Variants in RYR2 observed in about 807,000 individuals in gnomAD.
RYR2 encodes cardiac muscle ryanodine receptor-calcium release channel.
In RYR2, 227 loss-of-function variants were observed where a neutral mutation model predicts 601.1. The observed-to-expected ratio is 0.38, with a 90% CI of 0.34 to 0.42. The LOEUF is 0.42. Ranked by LOEUF, RYR2 falls within the 10% of genes least tolerant of loss-of-function variation. The probability of loss-of-function intolerance (pLI) is 1.00; values close to 1 mark genes in which losing one functional copy is unlikely to be tolerated. For synonymous variants in RYR2, 2,223 were observed against 2,175.1 expected, an observed-to-expected ratio of 1.02 and a Z score of -0.61; for missense variants, 4,646 against 6,156.5, an observed-to-expected ratio of 0.75 and a Z score of 8.21.
At chr1:237,425,149 A>G (rs186610757) in intron 12 of RYR2, among the ~76,000 whole-genome samples, 184 of 152,302 alleles carry the variant, frequency 1.2e-3, no homozygotes, top group African/African-American at 3.8e-3. Context: ...TTTTGAAAGC[A>G]GTACATGTTG....
rs775856207 is a variant in RYR2, at chr1:237,548,584, C to T, written c.3060C>T (p.Ile1020=). The change falls in exon 26 of 105, where the codon ATC becomes ATT. Residue 1020 remains isoleucine, a synonymous_variant. Coordinates refer to ENST00000366574, the MANE Select transcript of RYR2 (RefSeq NM_001035.3). The part of the protein sequence containing the change: ...DRIRQGWTYG[I]QQDVKNRRNP... ...TCCGGCAGGGCTGGACTTATGGCAT[C>T]CAACAGGTACATGGGAATTAGCATT... The T allele has an allele frequency of 6.2e-7, 1 of 1,613,664 alleles. No homozygotes were observed. The highest frequency in any genetic ancestry group is 1.1e-5 in the South Asian group (1 of 90,998).
At chr1:237,184,111 C>T (rs1679082826) in intron 1 of RYR2, among the ~76,000 whole-genome samples, 1 of 152,136 alleles carries the variant, frequency 6.6e-6, no homozygotes, top group Admixed American at 6.5e-5. Flanking sequence ...GATGTGTAAC[C>T]CTTGGGCGGG....
At chr1:237,081,280 TAAA>T (rs397815900) in intron 1 of RYR2, among the ~76,000 whole-genome samples, 50 of 56,274 alleles carry the variant, frequency 8.9e-4, no homozygotes, top group African/African-American at 1.9e-3. Flanking sequence ...TAGAGTATAA[TAAA>T]AAAAAAAAAA....
At chr1:237,100,594 C>T (rs1176927710) in intron 1 of RYR2, among the ~76,000 whole-genome samples, 1 of 152,068 alleles carries the variant, frequency 6.6e-6, no homozygotes, top group East Asian at 1.9e-4. Context: ...CCATGTTGTC[C>T]AGGCTGGTCT....
intron 17 of RYR2, among the ~76,000 whole-genome samples, chr1:237,474,603 AC>A (rs1166925247): frequency 6.6e-6 from 1 of 151,948 alleles, no homozygotes; most frequent in African/African-American, 2.4e-5. Context: ...CAAAATCTTA[AC>A]CTCACTTAAA....
At position 237,806,209 on chromosome 1, in the gene RYR2, C is replaced by A. The variant is rs1358033974; in HGVS notation, c.14224C>A (p.His4742Asn). The change falls in exon 99 of 105, where the codon CAC becomes AAC. Residue 4742 changes from histidine to asparagine, a missense_variant. This residue lies in a region of RYR2 where 76 missense variants were observed against 97.4 expected (regional missense o/e 0.78). Transcript: ENST00000366574. ...CTATAACAACTTTTTTTTTGCCGCT[C>A]ACCTTCTCGACATTGCTATGGGATT... Reference protein sequence around the residue: ...GHYNNFFFAAHLLDIAMGFKT... With the variant: ...GHYNNFFFAANLLDIAMGFKT... The A allele has an allele frequency of 6.2e-7, 1 of 1,612,870 alleles. No individual in the cohort carries two copies. The highest frequency in any genetic ancestry group is 2.2e-5 in the East Asian group (1 of 44,856).
chr1:237,402,220 C>A (rs1703408239), intron 10 of RYR2, among the ~76,000 whole-genome samples: 1 of 135,516 alleles, frequency 7.4e-6, no homozygotes. Context: ...ATAAAGAGGC[C>A]TTGTCTCTAC....
rs1057522884 is a variant in RYR2 at position 237,639,044 on chromosome 1, G to A, written c.6958G>A (p.Val2320Met). 18 of 1,613,776 alleles carry A rather than the reference G, an allele frequency of 1.1e-5. No homozygotes were observed. The highest frequency in any genetic ancestry group is 2.2e-5 in the East Asian group (1 of 44,868). The stretch of plus-strand genomic sequence containing the variant: ...GAGTGTGGAGGAAAATGCAAATGTC[G>A]TGGTGAGATTGCTCATTCGGAGGCC... ...GESVEENANV[V>M]VRLLIRRPEC... Residue 2320 changes from valine (V) to methionine (M), a missense_variant, in exon 46 of 105, where the codon GTG becomes ATG. Physicochemically the swap from Val to Met is conservative, Grantham distance 21. Coordinates refer to ENST00000366574, the MANE Select transcript of RYR2 (RefSeq NM_001035.3).
At chr1:237,514,078 A>G (rs1036257281) in intron 24 of RYR2, among the ~76,000 whole-genome samples, 2 of 152,224 alleles carry the variant, frequency 1.3e-5, no homozygotes, top group Middle Eastern at 3.2e-3. Context: ...TGGATTCAGC[A>G]TCTCTGATCT....
At chr1:237,471,591 C>T (rs183142655) in intron 17 of RYR2, among the ~76,000 whole-genome samples, 2 of 152,184 alleles carry the variant, frequency 1.3e-5, no homozygotes, top group Non-Finnish European at 2.9e-5. Flanking sequence ...AGTGTTAACA[C>T]TGGCTGAATC....
intron 87 of RYR2, among the ~76,000 whole-genome samples, chr1:237,774,345 A>T (rs993467664): frequency 2.0e-5 from 3 of 152,152 alleles, no homozygotes; most frequent in Non-Finnish European, 4.4e-5. Context: ...ACTAAACATA[A>T]GCTTGTGGGG....
intron 1 of RYR2, among the ~76,000 whole-genome samples, chr1:237,233,622 T>C (rs184456709): frequency 4.6e-5 from 7 of 152,266 alleles, no homozygotes; most frequent in Non-Finnish European, 7.4e-5. Context: ...CAGTCAAGAG[T>C]AATGGCTATT....
In RYR2 at chr1:237,826,899, C is replaced by T. The variant is rs542803760; in HGVS notation, c.14591-1482C>T. Among the ~76,000 whole-genome samples, 4 of 152,256 alleles carry T rather than the reference C, an allele frequency of 2.6e-5. No homozygotes were observed. In the South Asian group the frequency reaches 8.3e-4, roughly 32 times the overall value. The stretch of plus-strand genomic sequence containing the variant: ...TAAACAGGGCTGGAATCCATCTATA[C>T]CCAGGCAATCTGCATCCAGACCCCT... On this transcript the variant is annotated intron_variant, in intron 101 of 104. Coordinates refer to ENST00000366574, the MANE Select transcript of RYR2 (RefSeq NM_001035.3).
chr1:237,519,475 C>T lies in RYR2; in HGVS notation c.2822+7684C>T, dbSNP rs1666881952. 2.0e-5 allele frequency among the ~76,000 whole-genome samples: 3 copies of T among 152,116 alleles called. No individual in the cohort carries two copies. In the South Asian group the frequency reaches 6.2e-4, roughly 31 times the overall value. On this transcript the variant is annotated intron_variant, in intron 24 of 104. Transcript: ENST00000366574. ...TTTGTACATGGTGAGAGATAGGGGA[C>T]CAGTTTTACTCTTCTGCATATGGCC...
At chr1:237,517,078 C>A (rs12745344) in intron 24 of RYR2, among the ~76,000 whole-genome samples, 8,221 of 152,294 alleles carry the variant, frequency 0.054, 301 homozygotes, top group Middle Eastern at 0.13. Flanking sequence ...TGACACCCCT[C>A]CTGTTTGTCA....
intron 57 of RYR2, 144 bp downstream of exon 57, chr1:237,666,733 C>T: frequency 1.5e-6 from 1 of 677,160 alleles, no homozygotes. Flanking sequence ...AGATTATATA[C>T]TCTAATTTTT....
At chr1:237,525,408 A>G (rs1445320276) in intron 24 of RYR2, among the ~76,000 whole-genome samples, 4 of 151,994 alleles carry the variant, frequency 2.6e-5, no homozygotes, top group Non-Finnish European at 4.4e-5. Context: ...GCTATTGTAA[A>G]TAGTGCCGCA....
chr1:237,201,999 A>G (rs1048914213), intron 1 of RYR2, among the ~76,000 whole-genome samples: 3 of 152,244 alleles, frequency 2.0e-5, no homozygotes, highest in Non-Finnish European at 4.4e-5. Context: ...GCAGCTCTAG[A>G]TAAATATGAG....
rs150109124 is a variant in RYR2 at position 237,093,933 on chromosome 1, C to T, written c.48+51364C>T. On this transcript the variant is annotated intron_variant, in intron 1 of 104. Coordinates refer to ENST00000366574, the MANE Select transcript of RYR2 (RefSeq NM_001035.3). The stretch of plus-strand genomic sequence containing the variant: ...GCAGCGCAGGCTGTGGGCAGAGAGT[C>T]GAGGGGAAGCAGGAGTCCTGGGTAT... Among the ~76,000 whole-genome samples, 192 of 152,212 alleles carry T rather than the reference C, an allele frequency of 1.3e-3. 1 individual carries two copies. The highest frequency in any genetic ancestry group is 3.4e-3 in the African/African-American group (141 of 41,536).
Sources: gnomAD v4.1 joint callset for allele counts (sites outside exome capture counted in the v4.1 genomes callset) on GRCh38, gnomAD v4.1.1 for gene constraint, gnomAD v4.1.1 regional missense constraint, MANE v1.5 for transcripts, NCBI Gene and HGNC (gene_info 2026-07-23, HGNC 2026-07-21) for gene names.